The following LOC400499 variants were observed in gnomAD, a reference collection of about 807,000 sequenced individuals.
chr16:11,382,386 G>C, the LOC400499 span, among the ~76,000 whole-genome samples: 1 of 150,968 alleles, frequency 6.6e-6, no homozygotes, highest in Admixed American at 6.6e-5. Context: ...GCCTACTCCT[G>C]TTGTTGCCAC....
chr16:11,382,649 C>A, the LOC400499 span, among the ~76,000 whole-genome samples: 1 of 152,094 alleles, frequency 6.6e-6, no homozygotes, highest in Non-Finnish European at 1.5e-5. Context: ...GGTGTACATT[C>A]AAATCCCTGA....
At chr16:11,440,095 A>G in the LOC400499 span, among the ~76,000 whole-genome samples, 1 of 152,228 alleles carries the variant, frequency 6.6e-6, no homozygotes, top group East Asian at 1.9e-4. Flanking sequence ...CTAGATTGAA[A>G]GCTCCTCAGA....
chr16:11,425,417 A>T, the LOC400499 span: 1 of 399,284 alleles, frequency 2.5e-6, no homozygotes, highest in Non-Finnish European at 4.4e-6. Context: ...CTGAGTCAGC[A>T]GTGACACTGA....
chr16:11,376,365 T>C, the LOC400499 span, among the ~76,000 whole-genome samples: 228 of 150,912 alleles, frequency 1.5e-3, no homozygotes, highest in African/African-American at 3.4e-3. Flanking sequence ...TTTTTTTTTT[T>C]CCCAACATGT....
the LOC400499 span, chr16:11,491,915 G>A: frequency 2.5e-5 from 10 of 397,316 alleles, no homozygotes; most frequent in Admixed American, 4.4e-5. Flanking sequence ...GATGTCCCTG[G>A]CTGCAGCAGG....
chr16:11,480,073 G>C, the LOC400499 span, among the ~76,000 whole-genome samples: 4 of 152,188 alleles, frequency 2.6e-5, no homozygotes, highest in Non-Finnish European at 4.4e-5. Context: ...GAGCTGAGCA[G>C]TGGCTGCCAC....
chr16:11,479,618 C>A, the LOC400499 span, among the ~76,000 whole-genome samples: 1 of 152,068 alleles, frequency 6.6e-6, no homozygotes, highest in Non-Finnish European at 1.5e-5. Flanking sequence ...CAGAGCAAGA[C>A]CCTGTCTCTG....
chr16:11,479,127 G>T, the LOC400499 span, among the ~76,000 whole-genome samples: 2 of 152,268 alleles, frequency 1.3e-5, no homozygotes, highest in South Asian at 4.1e-4. Flanking sequence ...ACTTTGGGAG[G>T]GGGAAGGGGT....
At chr16:11,452,385 G>GTGGC in the LOC400499 span, among the ~76,000 whole-genome samples, 30 of 152,282 alleles carry the variant, frequency 2.0e-4, no homozygotes, top group African/African-American at 6.7e-4. Context: ...CCAGAAGAGA[G>GTGGC]TGGCCACTGC....
At chr16:11,383,068 G>A in the LOC400499 span, among the ~76,000 whole-genome samples, 1 of 139,376 alleles carries the variant, frequency 7.2e-6, no homozygotes, top group African/African-American at 2.8e-5. Context: ...GAGGTGCCAG[G>A]GTCTTTTTTT....
the LOC400499 span, among the ~76,000 whole-genome samples, chr16:11,403,732 G>A: frequency 6.6e-6 from 1 of 152,164 alleles, no homozygotes; most frequent in Admixed American, 6.5e-5. Flanking sequence ...GGCTGCCCAG[G>A]CCACAAATTA....
chr16:11,514,453 C>T, the LOC400499 span: 2 of 399,022 alleles, frequency 5.0e-6, no homozygotes, highest in Non-Finnish European at 8.8e-6. Context: ...GAAGTGGCCC[C>T]GCGGAGTCCA....
At chr16:11,485,311 T>G in the LOC400499 span, among the ~76,000 whole-genome samples, 89,061 of 151,840 alleles carry the variant, frequency 0.59, 28,471 homozygotes, top group African/African-American at 0.85. Context: ...TAAGGCTTGG[T>G]TCAAATGTCA....
At chr16:11,426,896 C>CAAAAA in the LOC400499 span, among the ~76,000 whole-genome samples, 13 of 105,938 alleles carry the variant, frequency 1.2e-4, no homozygotes, top group East Asian at 3.4e-3. Context: ...GACCCCATCT[C>CAAAAA]AAAAAAAAAA....
chr16:11,450,632 T>C, the LOC400499 span: 25 of 1,535,980 alleles, frequency 1.6e-5, no homozygotes, highest in East Asian at 5.9e-4. Context: ...GTAGCTGCGG[T>C]GTAAACCTGG....
the LOC400499 span, among the ~76,000 whole-genome samples, chr16:11,423,477 G>A: frequency 6.6e-6 from 1 of 152,328 alleles, no homozygotes; most frequent in Non-Finnish European, 1.5e-5. Flanking sequence ...CTCCACGCCA[G>A]GCACGGTGCT....
the LOC400499 span, among the ~76,000 whole-genome samples, chr16:11,404,226 T>C: frequency 2.2e-4 from 33 of 152,282 alleles, no homozygotes; most frequent in African/African-American, 7.7e-4. Context: ...TGGTCATGCT[T>C]GACGTTATTT....
the LOC400499 span, among the ~76,000 whole-genome samples, chr16:11,500,035 T>C: frequency 6.6e-6 from 1 of 152,222 alleles, no homozygotes; most frequent in African/African-American, 2.4e-5. Flanking sequence ...ATTATTGACC[T>C]CATCTCACAC....
the LOC400499 span, among the ~76,000 whole-genome samples, chr16:11,426,282 A>G: frequency 1.3e-5 from 2 of 152,164 alleles, no homozygotes; most frequent in African/African-American, 4.8e-5. Flanking sequence ...CTAAGAATAT[A>G]AAAATTAGCC....
Sources: gnomAD v4.1 joint callset for allele counts (sites outside exome capture counted in the v4.1 genomes callset) on GRCh38, gnomAD v4.1.1 for gene constraint, MANE v1.5 for transcripts.